PVT1: variants seen among roughly 807,000 people sequenced by gnomAD.
The protein encoded by PVT1 is CXCR4/PVT1 fusion.
chr8:127,981,924 G>C (rs942693675), intron 3 of PVT1, among the ~76,000 whole-genome samples: 3 of 152,192 alleles, frequency 2.0e-5, no homozygotes, highest in African/African-American at 7.2e-5. Context: ...TTGGAACCCA[G>C]GGTTCTCTGA....
At chr8:127,812,149 G>A (rs1456833211) in intron 2 of PVT1, among the ~76,000 whole-genome samples, 1 of 143,356 alleles carries the variant, frequency 7.0e-6, no homozygotes, top group Non-Finnish European at 1.5e-5. Flanking sequence ...AAAAGGAGGG[G>A]AGGAGAGGGG....
At chr8:127,923,199 G>A (rs139958630) in intron 3 of PVT1, among the ~76,000 whole-genome samples, 2 of 152,332 alleles carry the variant, frequency 1.3e-5, no homozygotes, top group Admixed American at 6.5e-5. Context: ...AGCAGGTGGC[G>A]GAGTCACCGT....
chr8:127,842,370 T>G (rs1353772740), intron 2 of PVT1, among the ~76,000 whole-genome samples: 1 of 151,912 alleles, frequency 6.6e-6, no homozygotes, highest in Non-Finnish European at 1.5e-5. Context: ...TCCTCTTGCC[T>G]CAGCTTCCTG....
rs560629017 is a variant in PVT1, at chr8:127,854,009, C to T, written n.373-36580C>T. ...CCCGGCTCCTCTGCCCCCAGCCCCA[C>T]GTGCCAACTTGTTTCAGCCTGGCAA... is the stretch of plus-strand genomic sequence containing the variant. On this transcript the variant is annotated intron_variant and non_coding_transcript_variant, in intron 2 of 10. Transcript: ENST00000651587. Among the ~76,000 whole-genome samples the T allele has an allele frequency of 1.6e-3, 240 of 152,314 alleles. 1 individual carries two copies. Among genetic ancestry groups the T allele is most frequent in the African/African-American group, 5.1e-3 (212 of 41,564 alleles).
chr8:128,077,422 G>A (rs1206554469), intron 5 of PVT1, among the ~76,000 whole-genome samples: 1 of 152,100 alleles, frequency 6.6e-6, no homozygotes, highest in Non-Finnish European at 1.5e-5. Flanking sequence ...GCTTCAGGGG[G>A]TGAAATGAGA....
At chr8:128,018,594 G>A (rs886709845) in intron 4 of PVT1, among the ~76,000 whole-genome samples, 8 of 152,220 alleles carry the variant, frequency 5.3e-5, no homozygotes, top group South Asian at 2.1e-4. Flanking sequence ...TCAGGTGGCC[G>A]TAGCAGTAAA....
intron 4 of PVT1, among the ~76,000 whole-genome samples, chr8:127,993,167 A>G (rs1817063322): frequency 6.6e-6 from 1 of 152,272 alleles, no homozygotes; most frequent in African/African-American, 2.4e-5. Flanking sequence ...ATTAATGTCA[A>G]AACATGAGGG....
In PVT1 at chr8:127,829,982, A is replaced by G. The variant is rs144114981; in HGVS notation, n.372+33911A>G. On this transcript the variant is annotated intron_variant and non_coding_transcript_variant, in intron 2 of 10. Coordinates refer to ENST00000651587, the Ensembl canonical transcript of PVT1. ...CAGCAATCTGCCTCCATCTTTACAT[A>G]GCCTTCTTCCCTCTGTGTGTCTCTG... 2.7e-3 allele frequency among the ~76,000 whole-genome samples: 410 copies of G among 152,280 alleles called. 3 individuals are homozygous for G. Among genetic ancestry groups the G allele is most frequent in the African/African-American group, 9.4e-3 (389 of 41,560 alleles).
At chr8:127,920,610 G>A (rs979071118) in intron 3 of PVT1, among the ~76,000 whole-genome samples, 6 of 152,200 alleles carry the variant, frequency 3.9e-5, no homozygotes, top group Non-Finnish European at 7.3e-5. Context: ...TGCCCAGAAG[G>A]CTTGTTACTA....
chr8:127,941,499 G>T (rs1332767893), intron 3 of PVT1, among the ~76,000 whole-genome samples: 1 of 152,184 alleles, frequency 6.6e-6, no homozygotes, highest in Non-Finnish European at 1.5e-5. Flanking sequence ...AAAATATTAT[G>T]TAGAGCCATG....
At chr8:127,817,540 T>TA (rs1239230041) in intron 2 of PVT1, among the ~76,000 whole-genome samples, 31 of 55,582 alleles carry the variant, frequency 5.6e-4, no homozygotes, top group African/African-American at 1.6e-3. Context: ...TATATATATA[T>TA]ATATATACAC....
At chr8:127,865,657 A>T (rs373953684) in intron 2 of PVT1, among the ~76,000 whole-genome samples, 1 of 152,228 alleles carries the variant, frequency 6.6e-6, no homozygotes, top group African/African-American at 2.4e-5. Flanking sequence ...CCAGGAAGGA[A>T]CACAGTCCTG....
intron 4 of PVT1, among the ~76,000 whole-genome samples, chr8:127,991,140 C>CTTTTTTTTTTT (rs35494368): frequency 1.4e-5 from 1 of 73,098 alleles, no homozygotes; most frequent in Non-Finnish European, 2.8e-5. Context: ...TCTTTTCTTT[C>CTTTTTTTTTTT]TTTTTTTTTT....
intron 4 of PVT1, among the ~76,000 whole-genome samples, chr8:128,057,345 C>G (rs867156586): frequency 1.3e-5 from 2 of 152,202 alleles, no homozygotes; most frequent in Middle Eastern, 3.4e-3. Context: ...GGATTCAAAC[C>G]CTTATGACCT....
chr8:128,073,968 G>T (rs941772330), intron 5 of PVT1, among the ~76,000 whole-genome samples: 1 of 152,068 alleles, frequency 6.6e-6, no homozygotes. Flanking sequence ...TGGGATGGAA[G>T]GTGTCCTTGT....
chr8:127,875,673 G>A (rs973407640), intron 2 of PVT1, among the ~76,000 whole-genome samples: 1 of 152,094 alleles, frequency 6.6e-6, no homozygotes, highest in Non-Finnish European at 1.5e-5. Context: ...GAAGTTCCTA[G>A]TTCTGCTATT....
intron 2 of PVT1, among the ~76,000 whole-genome samples, chr8:127,823,803 C>G (rs1400142437): frequency 6.6e-6 from 1 of 152,212 alleles, no homozygotes; most frequent in Non-Finnish European, 1.5e-5. Context: ...AGAGGCTTGT[C>G]AATGGCCTTC....
At chr8:127,978,168 A>G (rs1316465519) in intron 3 of PVT1, among the ~76,000 whole-genome samples, 8 of 151,470 alleles carry the variant, frequency 5.3e-5, no homozygotes, top group Non-Finnish European at 4.4e-5. Context: ...CTTTTTTTTT[A>G]AGAGATAGGG....
chr8:127,936,551 T>A (rs1007420109), intron 3 of PVT1, among the ~76,000 whole-genome samples: 1 of 152,148 alleles, frequency 6.6e-6, no homozygotes, highest in Non-Finnish European at 1.5e-5. Context: ...TGAATCTGGT[T>A]TGTGGTTGGA....
Sources: allele counts gnomAD v4.1 joint callset (sites outside exome capture counted in the v4.1 genomes callset), GRCh38; gene constraint gnomAD v4.1.1; transcripts MANE v1.5; gene names NCBI Gene and HGNC (gene_info 2026-07-23, HGNC 2026-07-21).